NBAS: variants seen among roughly 807,000 people sequenced by gnomAD.
NBAS encodes NBAS subunit of NRZ tethering complex.
In NBAS, 219 loss-of-function variants were observed where a neutral mutation model predicts 302.5. The ratio of observed to expected loss-of-function variants is 0.72; its 90% CI spans 0.65 to 0.81. The LOEUF (loss-of-function observed/expected upper bound fraction) is 0.81. Among genes scored for constraint, NBAS ranks in the 30% least tolerant of loss-of-function variants. NBAS has a pLI of 0.00. For synonymous variants in NBAS, 1,118 were observed against 1,021.6 expected, an observed-to-expected ratio of 1.09 and a Z score of -1.80; for missense variants, 2,932 against 2,841.6, an observed-to-expected ratio of 1.03 and a Z score of -0.72.
At chr2:15,379,051 A>G (rs1674895279) in intron 30 of NBAS, among the ~76,000 whole-genome samples, 1 of 152,146 alleles carries the variant, frequency 6.6e-6, no homozygotes, top group South Asian at 2.1e-4. Flanking sequence ...GGTCATGAAC[A>G]CACCTTTCTA....
chr2:14,784,794 C>T, the NBAS span, among the ~76,000 whole-genome samples: 3 of 152,100 alleles, frequency 2.0e-5, no homozygotes, highest in African/African-American at 7.2e-5. Flanking sequence ...ATTGACTTGG[C>T]GATGCAGGCT....
intron 44 of NBAS, among the ~76,000 whole-genome samples, chr2:15,245,660 C>CGGAA (rs1466784994): frequency 6.6e-6 from 1 of 151,110 alleles, no homozygotes; most frequent in East Asian, 2.0e-4. Context: ...GACGGACGGA[C>CGGAA]GGATGGATGG....
chr2:14,850,092 T>A, the NBAS span, among the ~76,000 whole-genome samples: 2 of 136,420 alleles, frequency 1.5e-5, no homozygotes, highest in South Asian at 4.3e-4. Flanking sequence ...TAACTTTAAA[T>A]GTAAATGGAC....
intron 12 of NBAS, among the ~76,000 whole-genome samples, chr2:15,479,911 T>C (rs1340864633): frequency 6.6e-6 from 1 of 152,182 alleles, no homozygotes; most frequent in Non-Finnish European, 1.5e-5. Flanking sequence ...GTCGAATAAG[T>C]AAATCAATCA....
intron 44 of NBAS, among the ~76,000 whole-genome samples, chr2:15,254,730 A>G (rs921897310): frequency 1.3e-5 from 2 of 152,090 alleles, no homozygotes; most frequent in Non-Finnish European, 2.9e-5. Context: ...AAAGTGTATT[A>G]TGTCATTCTT....
At chr2:14,827,770 T>C in the NBAS span, among the ~76,000 whole-genome samples, 1 of 152,036 alleles carries the variant, frequency 6.6e-6, no homozygotes, top group Non-Finnish European at 1.5e-5. Flanking sequence ...GAGCAGGGAA[T>C]GGAATGGTGT....
At position 15,220,436 on chromosome 2, in the gene NBAS, T is replaced by C. The variant is rs995597109; in HGVS notation, c.6237-1468A>G. On this transcript the variant is annotated intron_variant, in intron 47 of 51. Transcript: ENST00000281513. ...TGCTGTAGGACCCCAAAGCTCCAGT[T>C]CTTTCTATCATTTTCCCCAGATGAT... is the stretch of plus-strand genomic sequence containing the variant. Among the ~76,000 whole-genome samples the C allele has an allele frequency of 8.5e-5, 13 of 152,320 alleles. No homozygotes were observed. In the East Asian group the frequency reaches 9.7e-4, roughly 11 times the overall value.
chr2:14,905,218 T>C, the NBAS span, among the ~76,000 whole-genome samples: 7 of 152,322 alleles, frequency 4.6e-5, no homozygotes, highest in South Asian at 1.2e-3. Context: ...AGAAATACTT[T>C]ACCAGCCATC....
chr2:15,035,118 T>G, the NBAS span, among the ~76,000 whole-genome samples: 48 of 132,702 alleles, frequency 3.6e-4, no homozygotes, highest in African/African-American at 1.6e-3. Flanking sequence ...AGTGTGGGGT[T>G]TTTTTTTTTT....
intron 44 of NBAS, among the ~76,000 whole-genome samples, chr2:15,260,174 T>C (rs1039141826): frequency 2.6e-5 from 4 of 152,260 alleles, no homozygotes; most frequent in Non-Finnish European, 5.9e-5. Context: ...TTTAAAATTA[T>C]AAAATTTTTA....
At chr2:15,034,676 C>CTAGGGACT in the NBAS span, among the ~76,000 whole-genome samples, 1 of 152,168 alleles carries the variant, frequency 6.6e-6, no homozygotes, top group Non-Finnish European at 1.5e-5. Context: ...TGCCGGTGGA[C>CTAGGGACT]TACTCCCTAG....
chr2:15,454,942 C>A (rs544599589), intron 21 of NBAS, among the ~76,000 whole-genome samples: 1 of 149,606 alleles, frequency 6.7e-6, no homozygotes. Flanking sequence ...CTCACTCTGT[C>A]GTCAAGCTGG....
At chr2:15,385,442 CTGTA>C (rs1675241133) in intron 28 of NBAS, among the ~76,000 whole-genome samples, 2 of 152,188 alleles carry the variant, frequency 1.3e-5, no homozygotes, top group Non-Finnish European at 2.9e-5. Context: ...ACATGGCTAG[CTGTA>C]AGTACAGGTT....
At chr2:15,530,735 GA>G (rs36102936) in intron 9 of NBAS, among the ~76,000 whole-genome samples, 96,328 of 150,648 alleles carry the variant, frequency 0.64, 31,421 homozygotes, top group Non-Finnish European at 0.68. Flanking sequence ...AGAATTAAAA[GA>G]AAAAAAAATG....
chr2:15,132,777 CA>C, the NBAS span, among the ~76,000 whole-genome samples: 2 of 151,224 alleles, frequency 1.3e-5, no homozygotes, highest in African/African-American at 4.9e-5. Context: ...GTCAGCAACT[CA>C]ACAGAATTTT....
chr2:14,780,196 T>A, the NBAS span, among the ~76,000 whole-genome samples: 37 of 152,340 alleles, frequency 2.4e-4, no homozygotes, highest in African/African-American at 8.7e-4. Flanking sequence ...CTCCTGGGCT[T>A]GAAAATTGAT....
the NBAS span, among the ~76,000 whole-genome samples, chr2:14,788,141 C>A: frequency 6.6e-6 from 1 of 152,172 alleles, no homozygotes; most frequent in African/African-American, 2.4e-5. Flanking sequence ...GCATTCTTCA[C>A]GTAGTTCTCG....
At chr2:14,878,258 C>A in the NBAS span, among the ~76,000 whole-genome samples, 1 of 152,104 alleles carries the variant, frequency 6.6e-6, no homozygotes, top group Non-Finnish European at 1.5e-5. Context: ...CAAGAGCACA[C>A]CTGAAGAGAG....
the NBAS span, among the ~76,000 whole-genome samples, chr2:15,121,798 T>TTATTAAGTTCC: frequency 6.6e-6 from 1 of 152,218 alleles, no homozygotes; most frequent in African/African-American, 2.4e-5. Context: ...CTAAATGTTG[T>TTATTAAGTTCC]TATTAAGTTC....
Sources: gnomAD v4.1 joint callset for allele counts (sites outside exome capture counted in the v4.1 genomes callset) on GRCh38, gnomAD v4.1.1 for gene constraint, MANE v1.5 for transcripts, NCBI Gene and HGNC (gene_info 2026-07-23, HGNC 2026-07-21) for gene names.